The following MSRB3 variants were observed in gnomAD, a reference collection of about 807,000 sequenced individuals.
MSRB3 encodes methionine-R-sulfoxide reductase B3.
A neutral mutation model predicts 21.0 loss-of-function variants in MSRB3; 13 were observed. That is an observed-to-expected ratio of 0.62 (90% CI 0.40 to 0.98). The LOEUF (loss-of-function observed/expected upper bound fraction) is 0.98, where lower values mean the gene tolerates loss of function less well. Ranked by LOEUF, MSRB3 falls within the 50% of genes least tolerant of loss-of-function variation. MSRB3 has a pLI of 0.00. For synonymous variants in MSRB3, 87 were observed against 88.6 expected (o/e 0.98, Z 0.10); for missense variants, 199 against 230.3 (o/e 0.86, Z 0.88).
intron 5 of MSRB3, among the ~76,000 whole-genome samples, chr12:65,436,532 C>T (rs1327907590): frequency 6.6e-6 from 1 of 151,690 alleles, no homozygotes; most frequent in Non-Finnish European, 1.5e-5. Flanking sequence ...TCCAAAGGGT[C>T]TGGAACAACA....
At position 65,301,240 on chromosome 12, in the gene MSRB3, TCATAA is replaced by T. The variant is rs1435412324; in HGVS notation, c.-51-7284_-51-7280del. Among the ~76,000 whole-genome samples, 5 of 152,290 alleles carry T rather than the reference TCATAA, an allele frequency of 3.3e-5. No individual in the cohort carries two copies. The East Asian group carries it at 9.6e-4, about 29-fold the overall frequency. ...GCTTTATTATAAGGTTATAAGACTA[TCATAA>T]CATATACGAAAATGCCTTGTAAATA... On this transcript the variant is annotated intron_variant, in intron 1 of 6. Coordinates refer to ENST00000308259, the MANE Select transcript of MSRB3 (RefSeq NM_001031679.3).
chr12:65,384,806 T>C lies in MSRB3; in HGVS notation c.292+15780T>C, dbSNP rs566420389. ...TCTAAGATTATGTTTTCAATTAGGG[T>C]AACACTTCAGTCAGTGTGTAATTTT... On this transcript the variant is annotated intron_variant, in intron 5 of 6. Coordinates refer to ENST00000308259, the MANE Select transcript of MSRB3 (RefSeq NM_001031679.3). Among the ~76,000 whole-genome samples, 71 of 152,306 alleles carry C rather than the reference T, an allele frequency of 4.7e-4. 1 individual carries two copies. Among genetic ancestry groups the C allele is most frequent in the Middle Eastern group, 3.4e-3 (1 of 294 alleles).
chr12:65,450,859 T>G (rs1882824397), intron 5 of MSRB3, among the ~76,000 whole-genome samples: 1 of 152,202 alleles, frequency 6.6e-6, no homozygotes, highest in Non-Finnish European at 1.5e-5. Context: ...TTTAAATACT[T>G]TCACATGATG....
intron 1 of MSRB3, among the ~76,000 whole-genome samples, chr12:65,301,095 TACACACACACAG>T (rs1461989981): frequency 6.6e-6 from 1 of 151,882 alleles, no homozygotes; most frequent in Non-Finnish European, 1.5e-5. Context: ...CACACATATA[TACACACACACAG>T]ACACACACAT....
At chr12:65,442,157 A>G (rs1464607319) in intron 5 of MSRB3, among the ~76,000 whole-genome samples, 3 of 152,052 alleles carry the variant, frequency 2.0e-5, no homozygotes, top group South Asian at 4.1e-4. Context: ...TAAAATATAT[A>G]TAATAGAATA....
chr12:65,443,824 A>T (rs1882493636), intron 5 of MSRB3, among the ~76,000 whole-genome samples: 1 of 152,128 alleles, frequency 6.6e-6, no homozygotes, highest in South Asian at 2.1e-4. Flanking sequence ...TCATCCTGTA[A>T]AAAGGAAACT....
At chr12:65,380,092 T>C (rs1878857332) in intron 5 of MSRB3, among the ~76,000 whole-genome samples, 1 of 152,176 alleles carries the variant, frequency 6.6e-6, no homozygotes, top group African/African-American at 2.4e-5. Context: ...TGAATTACTT[T>C]AGAGTATGGT....
intron 6 of MSRB3, among the ~76,000 whole-genome samples, chr12:65,462,488 T>A (rs1210530017): frequency 6.6e-6 from 1 of 152,234 alleles, no homozygotes; most frequent in African/African-American, 2.4e-5. Context: ...AGCTTATTGC[T>A]TTTCTTTATA....
intron 5 of MSRB3, among the ~76,000 whole-genome samples, chr12:65,449,207 T>TC (rs60630407): frequency 0.038 from 2,658 of 69,472 alleles, 88 homozygotes; most frequent in African/African-American, 0.11. Context: ...TTTTTTGTAT[T>TC]TTTTTTTTTT....
intron 5 of MSRB3, among the ~76,000 whole-genome samples, chr12:65,407,775 G>T (rs1368147640): frequency 6.6e-6 from 1 of 151,884 alleles, no homozygotes; most frequent in Non-Finnish European, 1.5e-5. Context: ...TGTTTTGGAG[G>T]TTTCTATTGA....
rs375830969 is a variant in MSRB3, at chr12:65,329,522, C to T, written c.263+919C>T. Among the ~76,000 whole-genome samples the T allele has an allele frequency of 3.6e-4, 55 of 151,920 alleles. 1 individual carries two copies. Among genetic ancestry groups the T allele is most frequent in the Middle Eastern group, 3.4e-3 (1 of 294 alleles). Reference sequence around the variant, plus strand: ...AAAATTAGATAGGCATGGTGGTGTGCGCCTGTAGTCCCAGCTACTCGGGAG... The same window carrying T: ...AAAATTAGATAGGCATGGTGGTGTGTGCCTGTAGTCCCAGCTACTCGGGAG... On this transcript the variant is annotated intron_variant, in intron 4 of 6. Transcript: ENST00000308259.
At chr12:65,332,079 A>G (rs1051445470) in intron 4 of MSRB3, among the ~76,000 whole-genome samples, 4 of 152,204 alleles carry the variant, frequency 2.6e-5, no homozygotes, top group Non-Finnish European at 5.9e-5. Context: ...GCCCAGCCCC[A>G]TTTTAGCAGA....
intron 3 of MSRB3, among the ~76,000 whole-genome samples, chr12:65,327,357 G>A (rs1014224413): frequency 2.0e-5 from 3 of 152,348 alleles, no homozygotes; most frequent in Non-Finnish European, 4.4e-5. Context: ...GCATAATTTA[G>A]TTCTTTTCTA....
At chr12:65,389,677 C>T (rs1216770827) in intron 5 of MSRB3, among the ~76,000 whole-genome samples, 4 of 152,164 alleles carry the variant, frequency 2.6e-5, no homozygotes, top group African/African-American at 7.2e-5. Flanking sequence ...TACTTCCCTG[C>T]CCATCCATCC....
chr12:65,286,622 CTTATT>C (rs1211811684), intron 1 of MSRB3: 1 of 151,058 alleles, frequency 6.6e-6, no homozygotes, highest in Non-Finnish European at 1.5e-5. Flanking sequence ...TCTTGGGTCA[CTTATT>C]TTATTTAAAG....
At chr12:65,291,918 C>T (rs182621116) in intron 1 of MSRB3, among the ~76,000 whole-genome samples, 197 of 152,268 alleles carry the variant, frequency 1.3e-3, no homozygotes, top group Admixed American at 6.3e-3. Flanking sequence ...AATAATAACT[C>T]CAGCTGCTTT....
chr12:65,403,653 T>A (rs1880252607), intron 5 of MSRB3, among the ~76,000 whole-genome samples: 1 of 152,040 alleles, frequency 6.6e-6, no homozygotes, highest in Admixed American at 6.5e-5. Flanking sequence ...CACTGGGGTA[T>A]GAAAAAAAAC....
chr12:65,351,654 A>T (rs1877004065), intron 4 of MSRB3, among the ~76,000 whole-genome samples: 1 of 148,990 alleles, frequency 6.7e-6, no homozygotes, highest in Non-Finnish European at 1.5e-5. Flanking sequence ...CCACAGAAAT[A>T]CAAACTACCA....
At chr12:65,420,681 T>C (rs1881245286) in intron 5 of MSRB3, among the ~76,000 whole-genome samples, 1 of 152,074 alleles carries the variant, frequency 6.6e-6, no homozygotes, top group South Asian at 2.1e-4. Flanking sequence ...CTTTGTGTTC[T>C]TGTGTTCTCA....
Sources: allele counts gnomAD v4.1 joint callset (sites outside exome capture counted in the v4.1 genomes callset), GRCh38; gene constraint gnomAD v4.1.1; transcripts MANE v1.5; gene names NCBI Gene and HGNC (gene_info 2026-07-23, HGNC 2026-07-21).